SLC22A3: variants seen among roughly 807,000 people sequenced by gnomAD.
SLC22A3 encodes EMT organic cation transporter 3.
Under a neutral mutation model 59.1 loss-of-function variants are expected in SLC22A3, and 51 were observed. That is an observed-to-expected ratio of 0.86 (90% confidence interval 0.69 to 1.09). The LOEUF (loss-of-function observed/expected upper bound fraction) is 1.09. Among genes scored for constraint, SLC22A3 ranks in the 50% least tolerant of loss-of-function variants. The probability of loss-of-function intolerance (pLI) is 0.00; values close to 1 mark genes in which losing one functional copy is unlikely to be tolerated. For synonymous variants in SLC22A3, 325 were observed against 292.0 expected, an observed-to-expected ratio of 1.11 and a Z score of -1.15; for missense variants, 711 against 726.3, an observed-to-expected ratio of 0.98 and a Z score of 0.24.
intron 5 of SLC22A3, among the ~76,000 whole-genome samples, chr6:160,430,200 GAAT>G (rs1433973763): frequency 5.9e-5 from 9 of 151,262 alleles, no homozygotes; most frequent in Admixed American, 1.3e-4. Flanking sequence ...TTTGATAAAT[GAAT>G]AATATTTAAT....
At chr6:160,389,945 G>A (rs905313150) in intron 1 of SLC22A3, among the ~76,000 whole-genome samples, 3 of 152,094 alleles carry the variant, frequency 2.0e-5, no homozygotes, top group Non-Finnish European at 4.4e-5. Flanking sequence ...ATTCTGTGTG[G>A]GTCTCATCCT....
chr6:160,410,648 T>C (rs1279855471), intron 4 of SLC22A3, 81 bp from the exon 5 acceptor site: 6 of 868,212 alleles, frequency 6.9e-6, no homozygotes, highest in Admixed American at 3.4e-5. Context: ...CAAGATCCAT[T>C]TTGATAGAAA....
rs201551125 is a variant in SLC22A3 at position 160,437,124 on chromosome 6, A to G, written c.1201A>G (p.Ile401Val). 26 of 1,614,004 alleles carry G rather than the reference A, an allele frequency of 1.6e-5. No homozygotes were observed. Among genetic ancestry groups the G allele is most frequent in the East Asian group, 2.2e-5 (1 of 44,902 alleles). The stretch of plus-strand genomic sequence containing the variant: ...AGGAGCTCTCTTGATCTTACTAACC[A>G]TTGAGCGCCTTGGACGACGCCTCCC... ...LPGALLILLTIERLGRRLPFA... is the reference protein window; with the variant it reads ...LPGALLILLTVERLGRRLPFA... The change falls in exon 7 of 11, where the codon ATT (isoleucine) becomes GTT (valine). Residue 401 changes from isoleucine (I) to valine (V), a missense_variant. Transcript: ENST00000275300.
chr6:160,451,120 C>T lies in SLC22A3; in HGVS notation c.*64C>T, dbSNP rs1788946627. On this transcript the variant is annotated 3_prime_UTR_variant, in exon 11 of 11. Transcript: ENST00000275300. Reference sequence around the variant, plus strand: ...GCTGATCCTCCTTGCAAAGCTGTGCCTTGCAGAGATGCACGTGTGCATTTC... The same window carrying T: ...GCTGATCCTCCTTGCAAAGCTGTGCTTTGCAGAGATGCACGTGTGCATTTC... 15 of 1,437,472 alleles carry T rather than the reference C, an allele frequency of 1.0e-5. No individual in the cohort carries two copies. Among genetic ancestry groups the T allele is most frequent in the East Asian group, 2.4e-5 (1 of 41,122 alleles). 89.0% of individuals were successfully genotyped at this position (1,437,472 alleles called of 1,614,324 possible). A position where few individuals can be genotyped will look rare whatever the true frequency, so the allele number is the denominator to read the frequency against.
At chr6:160,375,467 CAAGCAATGGGTTCT>C (rs1329061890) in intron 1 of SLC22A3, among the ~76,000 whole-genome samples, 3 of 152,086 alleles carry the variant, frequency 2.0e-5, no homozygotes, top group Non-Finnish European at 4.4e-5. Flanking sequence ...CCTCCACCCC[CAAGCAATGGGTTCT>C]AAGCAATATA....
intron 5 of SLC22A3, among the ~76,000 whole-genome samples, chr6:160,433,724 A>G (rs1032450010): frequency 1.3e-5 from 2 of 152,100 alleles, no homozygotes; most frequent in Non-Finnish European, 2.9e-5. Flanking sequence ...ATTTTTTTAA[A>G]TTTTTTTAAA....
chr6:160,441,856 G>A (rs1187186594), intron 7 of SLC22A3, among the ~76,000 whole-genome samples: 5 of 152,126 alleles, frequency 3.3e-5, no homozygotes, highest in Admixed American at 2.6e-4. Flanking sequence ...GAGCAGATAT[G>A]GTCTTGTTCA....
At chr6:160,370,766 AATAG>A (rs1427763379) in intron 1 of SLC22A3, among the ~76,000 whole-genome samples, 1 of 152,210 alleles carries the variant, frequency 6.6e-6, no homozygotes, top group South Asian at 2.1e-4. Flanking sequence ...CAGATAAAAT[AATAG>A]ATAGTAAAAT....
At chr6:160,429,676 T>C (rs1016317005) in intron 5 of SLC22A3, among the ~76,000 whole-genome samples, 6 of 152,204 alleles carry the variant, frequency 3.9e-5, no homozygotes, top group African/African-American at 1.4e-4. Flanking sequence ...AGACCAACGC[T>C]GCTGACTTGT....
At chr6:160,395,173 A>C (rs1338325990) in intron 1 of SLC22A3, among the ~76,000 whole-genome samples, 2 of 152,244 alleles carry the variant, frequency 1.3e-5, no homozygotes, top group South Asian at 2.1e-4. Flanking sequence ...TATCAAATAT[A>C]AGAGAAATCC....
At position 160,409,592 on chromosome 6, in the gene SLC22A3, G is replaced by A. The variant is rs532655578; in HGVS notation, c.857+671G>A. Reference sequence around the variant, plus strand: ...TCTAGTTCTAGATCCCTGAGGAATCGCCACACTGACTTCCACAATGGTTGA... The same window carrying A: ...TCTAGTTCTAGATCCCTGAGGAATCACCACACTGACTTCCACAATGGTTGA... On this transcript the variant is annotated intron_variant, in intron 4 of 10. Transcript: ENST00000275300. 1.8e-4 allele frequency among the ~76,000 whole-genome samples: 28 copies of A among 151,770 alleles called. 1 individual carries two copies. In the South Asian group the frequency reaches 4.4e-3, roughly 24 times the overall value.
At chr6:160,434,570 TC>T (rs1436420436) in intron 5 of SLC22A3, among the ~76,000 whole-genome samples, 1 of 152,222 alleles carries the variant, frequency 6.6e-6, no homozygotes. Context: ...TATCACACAC[TC>T]CATAAACACT....
At chr6:160,441,945 G>A (rs1788557229) in intron 7 of SLC22A3, among the ~76,000 whole-genome samples, 2 of 152,192 alleles carry the variant, frequency 1.3e-5, no homozygotes, top group Admixed American at 1.3e-4. Context: ...AGCTAGAGCA[G>A]TGACTTTTTA....
rs1429703671 is a variant in SLC22A3 at position 160,415,966 on chromosome 6, A to G, written c.975+5120A>G. Among the ~76,000 whole-genome samples, 1 of 152,226 alleles carries G rather than the reference A, an allele frequency of 6.6e-6. No individual in the cohort carries two copies. Among genetic ancestry groups the G allele is most frequent in the Non-Finnish European group, 1.5e-5 (1 of 68,046 alleles). ...TCCAGAGCTTTAGTGAGAGAAGGGA[A>G]AATATGAGAGGAAAATAGTATGACA... On this transcript the variant is annotated intron_variant, in intron 5 of 10. Transcript: ENST00000275300. This position sits in a 1 kb window ranked among gnomAD's most constrained non-coding sequence, Gnocchi z 4.1.
chr6:160,365,527 C>T (rs945430780), intron 1 of SLC22A3, among the ~76,000 whole-genome samples: 7 of 152,128 alleles, frequency 4.6e-5, no homozygotes, highest in Non-Finnish European at 7.4e-5. Flanking sequence ...CAGATGTTGC[C>T]GTTGTCACAG....
intron 7 of SLC22A3, among the ~76,000 whole-genome samples, chr6:160,440,707 C>G (rs560821548): frequency 1.1e-4 from 16 of 152,300 alleles, no homozygotes; most frequent in African/African-American, 3.8e-4. Flanking sequence ...TTTCTTTTCA[C>G]TCTTTAGTTA....
In SLC22A3 at chr6:160,398,068, C is replaced by A. The variant is rs1459967023; in HGVS notation, c.519C>A (p.Gly173=). 3 of 1,613,260 alleles carry A rather than the reference C, an allele frequency of 1.9e-6. No individual in the cohort carries two copies. The Admixed American group carries it at 5.0e-5, about 27-fold the overall frequency. Residue 173 remains glycine (G), a synonymous_variant, in exon 2 of 11, where the codon GGC becomes GGA. Transcript: ENST00000275300. ...LGFLTGAFTL[G]YAADRYGRIV... is the part of the protein sequence containing the mutation. ...TCCTGACTGGAGCATTCACCTTAGG[C>A]TATGCAGCAGACAGGTAGGTACCAA...
At chr6:160,413,458 C>T (rs1787340183) in intron 5 of SLC22A3, among the ~76,000 whole-genome samples, 1 of 152,180 alleles carries the variant, frequency 6.6e-6, no homozygotes, top group African/African-American at 2.4e-5. Context: ...CCAACAGTTA[C>T]CAACTCCTGA....
intron 5 of SLC22A3, among the ~76,000 whole-genome samples, chr6:160,430,891 CTG>C (rs1225512560): frequency 6.6e-6 from 1 of 152,156 alleles, no homozygotes; most frequent in African/African-American, 2.4e-5. Context: ...AAAAGCAAAA[CTG>C]TCATGACAGA....
Sources: gnomAD v4.1 joint callset for allele counts (sites outside exome capture counted in the v4.1 genomes callset) on GRCh38, gnomAD v4.1.1 for gene constraint, Gnocchi (gnomAD v3.1) non-coding constraint, MANE v1.5 for transcripts, NCBI Gene and HGNC (gene_info 2026-07-23, HGNC 2026-07-21) for gene names.